Variants in FAM83D observed in about 807,000 individuals in gnomAD.
FAM83D encodes scaffolding CK1 anchoring protein D, also known as protein FAM83D.
FAM83D carries 26 observed loss-of-function variants against 25.4 expected under a neutral mutation model. The ratio of observed to expected loss-of-function variants is 1.02; its 90% CI spans 0.75 to 1.42. The LOEUF (loss-of-function observed/expected upper bound fraction) is 1.42. FAM83D is among the 40% of genes most tolerant of loss of function. The pLI, the probability that FAM83D is intolerant of heterozygous loss-of-function variation, is 0.00. For missense variants in FAM83D, 740 were observed against 758.1 expected, an observed-to-expected ratio of 0.98 and a Z score of 0.28; for synonymous variants, 310 against 318.5, an observed-to-expected ratio of 0.97 and a Z score of 0.28.
intron 1 of FAM83D, among the ~76,000 whole-genome samples, chr20:38,927,587 C>T (rs1395821482): frequency 3.4e-5 from 5 of 148,296 alleles, no homozygotes; most frequent in African/African-American, 1.3e-4. Flanking sequence ...CAACCTCCGT[C>T]CCCCGGGTTC....
chr20:38,950,914 G>C (rs998514999), intron 3 of FAM83D, among the ~76,000 whole-genome samples: 2 of 152,010 alleles, frequency 1.3e-5, no homozygotes, highest in African/African-American at 4.8e-5. Flanking sequence ...CTGCCTCCGG[G>C]GTTCAAACAA....
At position 38,930,860 on chromosome 20, in the gene FAM83D, T is replaced by A. The variant is rs1328138222; in HGVS notation, c.483+3935T>A. 3.3e-5 allele frequency among the ~76,000 whole-genome samples: 5 copies of A among 152,118 alleles called. No individual in the cohort carries two copies. The East Asian group carries it at 9.7e-4, about 29-fold the overall frequency. On this transcript the variant is annotated intron_variant, in intron 1 of 3. Coordinates refer to ENST00000619850, the MANE Select transcript of FAM83D (RefSeq NM_030919.3). ...GCCATGTTGGCCAGGCTGGTCTTGA[T>A]CTCCTGACCTCGCGATCTGCCTGCC...
rs1364357726 is a variant in FAM83D at position 38,942,115 on chromosome 20, G to A, written c.640G>A (p.Glu214Lys). 4.3e-6 allele frequency: 7 copies of A among 1,614,138 alleles called. No individual in the cohort carries two copies. The South Asian group carries it at 4.4e-5, about 10-fold the overall frequency. The change falls in exon 2 of 4, where the codon GAA becomes AAA. Residue 214 changes from glutamate to lysine, a missense_variant. By Grantham distance (56) the Glu-to-Lys change is moderately conservative (BLOSUM62 1). Transcript: ENST00000619850. Reference protein sequence around the residue: ...DMCMDLKVHPEQEKLMTVRTI... With the variant: ...DMCMDLKVHPKQEKLMTVRTI... Reference sequence around the variant, plus strand: ...GTGCATGGATCTGAAAGTTCATCCTGAACAGGAAAAGGTTTGTGGTACACT... The same window carrying A: ...GTGCATGGATCTGAAAGTTCATCCTAAACAGGAAAAGGTTTGTGGTACACT...
intron 2 of FAM83D, among the ~76,000 whole-genome samples, chr20:38,945,172 C>T (rs890805920): frequency 3.3e-5 from 5 of 152,072 alleles, no homozygotes; most frequent in East Asian, 3.9e-4. Flanking sequence ...GATGTGCAGG[C>T]GCTCACAAGT....
chr20:38,937,401 A>T (rs1014230653), intron 1 of FAM83D, among the ~76,000 whole-genome samples: 3 of 152,164 alleles, frequency 2.0e-5, no homozygotes, highest in African/African-American at 7.2e-5. Flanking sequence ...GTATTTCTGG[A>T]CCCACAGGCT....
At chr20:38,936,330 C>T (rs1380569918) in intron 1 of FAM83D, among the ~76,000 whole-genome samples, 1 of 152,122 alleles carries the variant, frequency 6.6e-6, no homozygotes, top group Non-Finnish European at 1.5e-5. Context: ...TCACTGACTT[C>T]GCAGAGCTGG....
intron 2 of FAM83D, among the ~76,000 whole-genome samples, chr20:38,946,631 C>G (rs2085729780): frequency 6.6e-6 from 1 of 152,206 alleles, no homozygotes; most frequent in Non-Finnish European, 1.5e-5. Context: ...TTCTCTATTT[C>G]TATAATTTTG....
intron 3 of FAM83D, 104 bp from the exon 4 acceptor site, chr20:38,951,435 C>A: frequency 7.6e-7 from 1 of 1,312,262 alleles, no homozygotes; most frequent in Non-Finnish European, 1.0e-6. Context: ...AATTTGTGAC[C>A]CTTATGTGGT....
Position 38,951,597 on chromosome 20 carries a change from G to C in FAM83D, c.835G>C (p.Val279Leu), listed in dbSNP as rs199980392. ...TAACTTGGTAATTCTGTCTGGCCAA[G>C]TGGTTGAACACTTTGATCTGGAGTT... The part of the protein sequence containing the change: ...SSNLVILSGQ[V>L]VEHFDLEFRI... The change falls in exon 4 of 4, where the codon GTG (valine) becomes CTG (leucine). Residue 279 changes from valine (V) to leucine (L), a missense_variant. Val to Leu is a conservative substitution (Grantham distance 32). Coordinates refer to ENST00000619850, the MANE Select transcript of FAM83D (RefSeq NM_030919.3). 27 of 1,614,212 alleles carry C rather than the reference G, an allele frequency of 1.7e-5. 1 individual carries two copies. The East Asian group carries it at 6.0e-4, about 36-fold the overall frequency.
In FAM83D at chr20:38,930,172, A is replaced by AGG. The variant is rs1161759230; in HGVS notation, c.483+3248_483+3249dup. Among the ~76,000 whole-genome samples the AGG allele has an allele frequency of 2.0e-5, 3 of 152,300 alleles. No individual in the cohort carries two copies. The East Asian group carries it at 5.8e-4, about 29-fold the overall frequency. The stretch of plus-strand genomic sequence containing the variant: ...GTACCTGTGACAGCGAGGACCATGA[A>AGG]GGTGTAGGTCTCAGGCTGCTTTCAG... On this transcript the variant is annotated intron_variant, in intron 1 of 3. Coordinates refer to ENST00000619850, the MANE Select transcript of FAM83D (RefSeq NM_030919.3).
rs1373682078 is a variant in FAM83D at position 38,926,873 on chromosome 20, GC to G, written c.435del (p.Tyr146ThrfsTer17). 1.1e-5 allele frequency: 17 copies of G among 1,505,382 alleles called. No individual in the cohort carries two copies. Among genetic ancestry groups the G allele is most frequent in the Non-Finnish European group, 1.5e-5 (17 of 1,131,836 alleles). 93.3% of individuals were successfully genotyped at this position (1,505,382 alleles called of 1,614,324 possible). A position where few individuals can be genotyped will look rare whatever the true frequency, so the allele number is the denominator to read the frequency against. ...HFQPRGAGEG[G>X]PYGCKDALRQ... ...CAGCCCCGCGGCGCTGGCGAAGGTG[GC>G]CCCTACGGCTGCAAGGACGCTCTGC... On this transcript the variant is annotated frameshift_variant, in exon 1 of 4. Coordinates refer to ENST00000619850, the MANE Select transcript of FAM83D (RefSeq NM_030919.3). LOFTEE classifies it high-confidence loss of function.
At chr20:38,932,423 C>T (rs1366017767) in intron 1 of FAM83D, among the ~76,000 whole-genome samples, 1 of 152,156 alleles carries the variant, frequency 6.6e-6, no homozygotes, top group Non-Finnish European at 1.5e-5. Flanking sequence ...TATAGCATGG[C>T]TTGAATACAA....
At chr20:38,951,404 A>G in intron 3 of FAM83D, 135 bp from the exon 4 acceptor site, 1 of 872,938 alleles carries the variant, frequency 1.1e-6, no homozygotes, top group Non-Finnish European at 1.7e-6. Flanking sequence ...ATACATGCAA[A>G]TGGTAGGTAT....
intron 2 of FAM83D, among the ~76,000 whole-genome samples, chr20:38,945,925 T>C (rs1007097851): frequency 3.3e-5 from 5 of 151,942 alleles, no homozygotes; most frequent in Non-Finnish European, 7.4e-5. Flanking sequence ...GAATACTAGC[T>C]AGCTGGGTGC....
In FAM83D at chr20:38,939,519, T is replaced by C. The variant is rs151063937; in HGVS notation, c.484-2440T>C. Among the ~76,000 whole-genome samples the C allele has an allele frequency of 3.1e-3, 469 of 152,204 alleles. 4 individuals are homozygous for C. Among genetic ancestry groups the C allele is most frequent in the African/African-American group, 0.011 (448 of 41,506 alleles). On this transcript the variant is annotated intron_variant, in intron 1 of 3. Transcript: ENST00000619850. ...TGCATGCCACCATGTTCATCTAATT[T>C]TTTGTATTTTTAGTAGAGATGGGGT...
rs138593502 is a variant in FAM83D at position 38,949,732 on chromosome 20, C to T, written c.776+1732C>T. On this transcript the variant is annotated intron_variant, in intron 3 of 3. Transcript: ENST00000619850. ...AGTTCATCTTGACGTAGGAGCCACACGCTGATCAGAACACTATATCCTGGT... is the reference window on the plus strand; with the variant it reads ...AGTTCATCTTGACGTAGGAGCCACATGCTGATCAGAACACTATATCCTGGT... Among the ~76,000 whole-genome samples, 27 of 152,320 alleles carry T rather than the reference C, an allele frequency of 1.8e-4. No homozygotes were observed. In the East Asian group the frequency reaches 3.5e-3, roughly 20 times the overall value.
At chr20:38,950,937 A>G (rs2085750812) in intron 3 of FAM83D, among the ~76,000 whole-genome samples, 1 of 152,036 alleles carries the variant, frequency 6.6e-6, no homozygotes, top group Non-Finnish European at 1.5e-5. Context: ...CTCCCACCTC[A>G]GCCTCCCGAG....
At chr20:38,947,561 CTGT>C (rs2145807573) in intron 2 of FAM83D, among the ~76,000 whole-genome samples, 1 of 152,310 alleles carries the variant, frequency 6.6e-6, no homozygotes, top group Admixed American at 6.5e-5. Context: ...TTCTTGGATT[CTGT>C]TGTTTAGTAT....
rs2085635963 is a variant in FAM83D at position 38,926,619 on chromosome 20, C to A, written c.177C>A (p.Phe59Leu). The A allele has an allele frequency of 1.9e-6, 3 of 1,541,204 alleles. No homozygotes were observed. Among genetic ancestry groups the A allele is most frequent in the East Asian group, 2.4e-5 (1 of 41,108 alleles). ...AFLRRERLAR[F>L]LNPDEVHAIL... ...TGCGACGCGAGCGCCTGGCTCGTTTCCTGAACCCCGATGAGGTGCACGCCA... is the reference window on the plus strand; with the variant it reads ...TGCGACGCGAGCGCCTGGCTCGTTTACTGAACCCCGATGAGGTGCACGCCA... The change falls in exon 1 of 4, where the codon TTC becomes TTA. Residue 59 changes from phenylalanine to leucine, a missense_variant. Phe to Leu is a conservative substitution (Grantham distance 22). This residue lies in a region of FAM83D where 333 missense variants were observed against 298.6 expected (regional missense o/e 1.12). Transcript: ENST00000619850.
Sources: allele counts gnomAD v4.1 joint callset (sites outside exome capture counted in the v4.1 genomes callset), GRCh38; gene constraint gnomAD v4.1.1; regional missense constraint gnomAD v4.1.1; transcripts MANE v1.5; gene names NCBI Gene and HGNC (gene_info 2026-07-23, HGNC 2026-07-21).